AP2M1: variants seen among roughly 807,000 people sequenced by gnomAD.
AP2M1 encodes the protein AP-2 complex subunit mu.
AP2M1 carries 5 observed loss-of-function variants against 54.5 expected under a neutral mutation model. That is an observed-to-expected ratio of 0.09 (90% CI 0.05 to 0.19). The LOEUF (loss-of-function observed/expected upper bound fraction) is 0.19, where lower values mean the gene tolerates loss of function less well. Ranked by LOEUF, AP2M1 falls within the 10% of genes least tolerant of loss-of-function variation. The pLI is 1.00. For synonymous variants in AP2M1, 186 were observed against 208.2 expected (o/e 0.89, Z 0.92); for missense variants, 178 against 580.2 (o/e 0.31, Z 7.12).
In AP2M1 at chr3:184,180,143, G is replaced by C. The variant is rs372633104; in HGVS notation, c.341-26G>C. ...CTGGAATGAAGAAGCTCTGTCCAGG[G>C]GCTGATGGTTCCCTTCTTTTTGCAG... is the stretch of plus-strand genomic sequence containing the variant. On this transcript the variant is annotated intron_variant, in intron 3 of 11. Transcript: ENST00000292807. This position sits in a 1 kb window ranked among gnomAD's most constrained non-coding sequence, Gnocchi z 4.9. 6 of 1,612,030 alleles carry C rather than the reference G, an allele frequency of 3.7e-6. No homozygotes were observed. In the African/African-American group the frequency reaches 5.3e-5, roughly 14 times the overall value.
rs771690483 is a variant in AP2M1, at chr3:184,181,036, G to A, written c.566-49G>A. On this transcript the variant is annotated intron_variant, in intron 6 of 11. Transcript: ENST00000292807. This position sits in a 1 kb window ranked among gnomAD's most constrained non-coding sequence, Gnocchi z 5.7. Reference sequence around the variant, plus strand: ...GAGGGGGCCCAGGGCAGGATCCTGGGCCTGCCTGCCTGACTCCGCTGCTCC... The same window carrying A: ...GAGGGGGCCCAGGGCAGGATCCTGGACCTGCCTGCCTGACTCCGCTGCTCC... The A allele has an allele frequency of 2.8e-5, 45 of 1,613,902 alleles. 1 individual carries two copies. The highest frequency in any genetic ancestry group is 6.7e-5 in the African/African-American group (5 of 74,940).
Position 184,183,106 on chromosome 3 carries a change from T to C in AP2M1, c.1173+238T>C. On this transcript the variant is annotated intron_variant, in intron 11 of 11. Coordinates refer to ENST00000292807, the MANE Select transcript of AP2M1 (RefSeq NM_004068.4). The surrounding 1 kb of genome is among the most constrained non-coding windows in gnomAD (Gnocchi z 5.7). ...CCTAACACAGTTCTTTCAAAAAACT[T>C]AGATTGTTTAAATGCCAGGTAAGAC... 1 of 579,164 alleles carries C rather than the reference T, an allele frequency of 1.7e-6. No homozygotes were observed. Among genetic ancestry groups the C allele is most frequent in the South Asian group, 2.0e-5 (1 of 49,838 alleles). 35.9% of individuals were successfully genotyped at this position (579,164 alleles called of 1,614,324 possible). A position where few individuals can be genotyped will look rare whatever the true frequency, so the allele number is the denominator to read the frequency against.
chr3:184,177,229 G>T (rs1483353011), intron 2 of AP2M1, among the ~76,000 whole-genome samples, 162 bp downstream of exon 2: 1 of 152,242 alleles, frequency 6.6e-6, no homozygotes, highest in African/African-American at 2.4e-5. Context: ...ATTAGGTCTG[G>T]TGGTATTGGC....
rs1715271473 is a variant in AP2M1, at chr3:184,181,475, A to G, written c.708-221A>G. 1 of 807,526 alleles carries G rather than the reference A, an allele frequency of 1.2e-6. No individual in the cohort carries two copies. The highest frequency in any genetic ancestry group is 1.8e-5 in the South Asian group (1 of 54,730). The allele number at this position is 807,526 out of a possible 1,614,324, so 50.0% of individuals were successfully genotyped here. On this transcript the variant is annotated intron_variant, in intron 7 of 11. Coordinates refer to ENST00000292807, the MANE Select transcript of AP2M1 (RefSeq NM_004068.4). This position sits in a 1 kb window ranked among gnomAD's most constrained non-coding sequence, Gnocchi z 5.7. ...CTGTACATACTGACAGCCTCTGCCC[A>G]GTGTGCCTGAAACACCCAGGTCCCT...
chr3:184,181,950 T>C lies in AP2M1; in HGVS notation c.866T>C (p.Val289Ala), dbSNP rs757608518. The C allele has an allele frequency of 1.2e-6, 2 of 1,614,134 alleles. No homozygotes were observed. The highest frequency in any genetic ancestry group is 1.1e-5 in the South Asian group (1 of 91,082). The change falls in exon 9 of 12, where the codon GTG (valine) becomes GCG (alanine). Residue 289 changes from valine (V) to alanine (A), a missense_variant. Transcript: ENST00000292807. The surrounding 1 kb of genome is among the most constrained non-coding windows in gnomAD (Gnocchi z 5.7). ...AAGGACATCATCCTTCCCTTCCGGG[T>C]GATCCCGCTAGTGCGAGAAGTGGGA... is the stretch of plus-strand genomic sequence containing the variant. ...TTKDIILPFR[V>A]IPLVREVGRT...
At position 184,178,360 on chromosome 3, in the gene AP2M1, GCC is replaced by G; in HGVS notation, c.75-494_75-493del. On this transcript the variant is annotated intron_variant, in intron 2 of 11. Transcript: ENST00000292807. The surrounding 1 kb of genome is among the most constrained non-coding windows in gnomAD (Gnocchi z 4.9). ...CAAGAATGGGTAGCACAATTCCATG[GCC>G]CCTTGGTACTTCTCCCTCCTTTGTG... is the stretch of plus-strand genomic sequence containing the variant. 6 of 1,170,970 alleles carry G rather than the reference GCC, an allele frequency of 5.1e-6. No individual in the cohort carries two copies. Among genetic ancestry groups the G allele is most frequent in the Non-Finnish European group, 7.4e-6 (6 of 814,022 alleles). The allele number at this position is 1,170,970 out of a possible 1,614,324, so 72.5% of individuals were successfully genotyped here.
In AP2M1 at chr3:184,180,441, C is replaced by T. The variant is rs545742038; in HGVS notation, c.423+190C>T. On this transcript the variant is annotated intron_variant, in intron 4 of 11. Coordinates refer to ENST00000292807, the MANE Select transcript of AP2M1 (RefSeq NM_004068.4). This position sits in a 1 kb window ranked among gnomAD's most constrained non-coding sequence, Gnocchi z 4.9. ...CCCACTGCAGGAGCAGCCAATTCAG[C>T]ATCTCTATTACCAGGAATACAGCTC... 9.7e-7 allele frequency: 1 copy of T among 1,031,278 alleles called. No homozygotes were observed. The highest frequency in any genetic ancestry group is 1.6e-5 in the South Asian group (1 of 62,972). 63.9% of individuals were successfully genotyped at this position (1,031,278 alleles called of 1,614,324 possible).
In AP2M1 at chr3:184,181,124, T is replaced by C; in HGVS notation, c.605T>C (p.Met202Thr). ...LSAHVSGRVV[M>T]KSYLSGMPEC... ...GCCCATGTGTCGGGCCGGGTGGTGA[T>C]GAAGAGCTACCTGAGTGGCATGCCT... The change falls in exon 7 of 12, where the codon ATG (methionine) becomes ACG (threonine). Residue 202 changes from methionine (M) to threonine (T), a missense_variant. Met to Thr is a moderately conservative substitution (Grantham distance 81). Transcript: ENST00000292807. The surrounding 1 kb of genome is among the most constrained non-coding windows in gnomAD (Gnocchi z 5.7). 1 of 1,614,118 alleles carries C rather than the reference T, an allele frequency of 6.2e-7. No homozygotes were observed. Among genetic ancestry groups the C allele is most frequent in the Non-Finnish European group, 8.5e-7 (1 of 1,180,012 alleles).
intron 1 of AP2M1, among the ~76,000 whole-genome samples, chr3:184,176,438 T>G (rs1036570476): frequency 3.9e-5 from 6 of 152,190 alleles, no homozygotes; most frequent in Admixed American, 2.0e-4. Context: ...TTCTGTGAAT[T>G]AGAGTGCCGG....
chr3:184,175,957 TC>T (rs1715060656), intron 1 of AP2M1, among the ~76,000 whole-genome samples: 1 of 152,184 alleles, frequency 6.6e-6, no homozygotes, highest in African/African-American at 2.4e-5. Flanking sequence ...TCTAAAGTAC[TC>T]CCTGTGAAAT....
In AP2M1 at chr3:184,177,932, G is replaced by T; in HGVS notation, c.74+865G>T. 1.2e-5 allele frequency: 7 copies of T among 600,736 alleles called. No homozygotes were observed. In the South Asian group the frequency reaches 1.4e-4, roughly 12 times the overall value. The allele number at this position is 600,736 out of a possible 1,614,324, so 37.2% of individuals were successfully genotyped here. A position where few individuals can be genotyped will look rare whatever the true frequency, so the allele number is the denominator to read the frequency against. On this transcript the variant is annotated intron_variant, in intron 2 of 11. Coordinates refer to ENST00000292807, the MANE Select transcript of AP2M1 (RefSeq NM_004068.4). ...GCTGGCTTGGCCCTTGCGGGCGTTTGTCCATTGGCTGGTGGTGTGGCATGA... is the reference window on the plus strand; with the variant it reads ...GCTGGCTTGGCCCTTGCGGGCGTTTTTCCATTGGCTGGTGGTGTGGCATGA...
chr3:184,181,254 G>A lies in AP2M1; in HGVS notation c.707+28G>A, dbSNP rs776506069. 1.2e-5 allele frequency: 19 copies of A among 1,613,184 alleles called. No homozygotes were observed. Among genetic ancestry groups the A allele is most frequent in the East Asian group, 2.2e-5 (1 of 44,890 alleles). ...GCCTGAGGCAGGAGAGCTGGTGGGA[G>A]AGGGTGTCCCTTGGAGGGCTCAGTG... On this transcript the variant is annotated intron_variant, in intron 7 of 11. Coordinates refer to ENST00000292807, the MANE Select transcript of AP2M1 (RefSeq NM_004068.4). The surrounding 1 kb of genome is among the most constrained non-coding windows in gnomAD (Gnocchi z 5.7).
In AP2M1 at chr3:184,182,438, G is replaced by A. The variant is rs530263812; in HGVS notation, c.1061+190G>A. On this transcript the variant is annotated intron_variant, in intron 10 of 11. Coordinates refer to ENST00000292807, the MANE Select transcript of AP2M1 (RefSeq NM_004068.4). The surrounding 1 kb of genome is among the most constrained non-coding windows in gnomAD (Gnocchi z 5.5). ...CACGCCTGCATTTGGGTTCATGCAC[G>A]TGCTTATTTTTTAAGATGCTTTGGC... is the stretch of plus-strand genomic sequence containing the variant. 4.8e-6 allele frequency: 3 copies of A among 629,050 alleles called. No homozygotes were observed. Among genetic ancestry groups the A allele is most frequent in the Non-Finnish European group, 2.7e-6 (1 of 365,484 alleles). 39.0% of individuals were successfully genotyped at this position (629,050 alleles called of 1,614,324 possible).
At chr3:184,177,446 C>T (rs1715110647) in intron 2 of AP2M1, 1 of 1,183,558 alleles carries the variant, frequency 8.4e-7, no homozygotes, top group Non-Finnish European at 1.2e-6. Flanking sequence ...TCCATCTAAG[C>T]CTTGCTCTCA....
intron 3 of AP2M1, chr3:184,179,930 G>T (rs2109030339): frequency 3.6e-6 from 2 of 552,952 alleles, no homozygotes; most frequent in Non-Finnish European, 6.5e-6. Flanking sequence ...CGAAGTGTTG[G>T]GATTACAGGC....
chr3:184,182,407 T>C lies in AP2M1; in HGVS notation c.1061+159T>C. On this transcript the variant is annotated intron_variant, in intron 10 of 11. Transcript: ENST00000292807. This position sits in a 1 kb window ranked among gnomAD's most constrained non-coding sequence, Gnocchi z 5.5. ...GTCAGTCTTTATACCTCCATGTGAG[T>C]ATGTACACGCCTGCATTTGGGTTCA... 1.3e-6 allele frequency: 1 copy of C among 746,050 alleles called. No individual in the cohort carries two copies. Among genetic ancestry groups the C allele is most frequent in the East Asian group, 2.7e-5 (1 of 36,904 alleles). 46.2% of individuals were successfully genotyped at this position (746,050 alleles called of 1,614,324 possible). A position where few individuals can be genotyped will look rare whatever the true frequency, so the allele number is the denominator to read the frequency against.
At position 184,180,109 on chromosome 3, in the gene AP2M1, A is replaced by G; in HGVS notation, c.341-60A>G. On this transcript the variant is annotated intron_variant, in intron 3 of 11. Coordinates refer to ENST00000292807, the MANE Select transcript of AP2M1 (RefSeq NM_004068.4). This position sits in a 1 kb window ranked among gnomAD's most constrained non-coding sequence, Gnocchi z 4.9. ...CTGTGCCGGTCAGATGTGTAGGCCC[A>G]AGTAGGGGCTGGAATGAAGAAGCTC... 1 of 1,558,232 alleles carries G rather than the reference A, an allele frequency of 6.4e-7. No homozygotes were observed. The highest frequency in any genetic ancestry group is 1.4e-5 in the African/African-American group (1 of 73,796).
Position 184,180,387 on chromosome 3 carries a change from T to G in AP2M1, c.423+136T>G. ...GCTGGCCTGAGCCTCCTGCCATGAT[T>G]GCAGGCCGATTTTGCTCTGTGTGGT... On this transcript the variant is annotated intron_variant, in intron 4 of 11. Coordinates refer to ENST00000292807, the MANE Select transcript of AP2M1 (RefSeq NM_004068.4). The surrounding 1 kb of genome is among the most constrained non-coding windows in gnomAD (Gnocchi z 4.9). 1.7e-6 allele frequency: 2 copies of G among 1,195,610 alleles called. No homozygotes were observed. The highest frequency in any genetic ancestry group is 2.4e-6 in the Non-Finnish European group (2 of 848,218). 74.1% of individuals were successfully genotyped at this position (1,195,610 alleles called of 1,614,324 possible).
At position 184,178,198 on chromosome 3, in the gene AP2M1, C is replaced by T. The variant is rs754385122; in HGVS notation, c.75-659C>T. On this transcript the variant is annotated intron_variant, in intron 2 of 11. Transcript: ENST00000292807. The surrounding 1 kb of genome is among the most constrained non-coding windows in gnomAD (Gnocchi z 4.9). Reference sequence around the variant, plus strand: ...CTTGCTGGCGTCATTTCTCTCATCCCATCTCATTGGCTGCCGTAGCAATAG... The same window carrying T: ...CTTGCTGGCGTCATTTCTCTCATCCTATCTCATTGGCTGCCGTAGCAATAG... The T allele has an allele frequency of 8.5e-6, 13 of 1,535,842 alleles. No individual in the cohort carries two copies. In the South Asian group the frequency reaches 1.3e-4, roughly 15 times the overall value.
Sources: allele counts gnomAD v4.1 joint callset (sites outside exome capture counted in the v4.1 genomes callset), GRCh38; gene constraint gnomAD v4.1.1; non-coding constraint Gnocchi (gnomAD v3.1); transcripts MANE v1.5; gene names NCBI Gene and HGNC (gene_info 2026-07-23, HGNC 2026-07-21).